SNTG2: variants seen among roughly 807,000 people sequenced by gnomAD.
SNTG2 encodes the protein gamma-2-syntrophin.
In SNTG2, 74 loss-of-function variants were observed where a neutral mutation model predicts 70.9. The ratio of observed to expected loss-of-function variants is 1.04; its 90% confidence interval spans 0.86 to 1.27. The LOEUF is 1.27. SNTG2 is among the 50% of genes most tolerant of loss of function. The probability of loss-of-function intolerance (pLI) is 0.00; values close to 1 mark genes in which losing one functional copy is unlikely to be tolerated. For missense variants in SNTG2, 717 were observed against 690.7 expected, an observed-to-expected ratio of 1.04 and a Z score of -0.43; for synonymous variants, 278 against 273.8, an observed-to-expected ratio of 1.02 and a Z score of -0.15.
At chr2:1,360,812 T>C (rs1661098653) in intron 16 of SNTG2, among the ~76,000 whole-genome samples, 1 of 152,172 alleles carries the variant, frequency 6.6e-6, no homozygotes, top group Non-Finnish European at 1.5e-5. Flanking sequence ...TCAATATTTG[T>C]AGAGATGGAG....
intron 14 of SNTG2, among the ~76,000 whole-genome samples, chr2:1,288,315 T>C (rs1679850039): frequency 6.6e-6 from 1 of 152,214 alleles, no homozygotes; most frequent in Non-Finnish European, 1.5e-5. Flanking sequence ...TCATTTCTGC[T>C]ACTTTTCATC....
chr2:1,183,875 A>G (rs1444268259), intron 8 of SNTG2, among the ~76,000 whole-genome samples: 1 of 151,542 alleles, frequency 6.6e-6, no homozygotes, highest in African/African-American at 2.4e-5. Context: ...TGTATATCCA[A>G]TTTTTTTTTC....
intron 1 of SNTG2, among the ~76,000 whole-genome samples, chr2:1,004,688 G>T (rs915184914): frequency 1.6e-4 from 25 of 152,288 alleles, no homozygotes; most frequent in African/African-American, 6.0e-4. Flanking sequence ...TGGAGCGATG[G>T]GGACTCTCCT....
rs1263450509 is a variant in SNTG2 at position 1,221,971 on chromosome 2, CTG to C, written c.719+12743_719+12744del. Among the ~76,000 whole-genome samples, 5 of 45,194 alleles carry C rather than the reference CTG, an allele frequency of 1.1e-4. 1 individual carries two copies. Among genetic ancestry groups the C allele is most frequent in the African/African-American group, 3.4e-4 (3 of 8,788 alleles). The allele number at this position is 45,194 out of a possible 152,430, so 29.6% of individuals were successfully genotyped here. A position where few individuals can be genotyped will look rare whatever the true frequency, so the allele number is the denominator to read the frequency against. On this transcript the variant is annotated intron_variant, in intron 9 of 16. Coordinates refer to ENST00000308624, the MANE Select transcript of SNTG2 (RefSeq NM_018968.4). ...TCTCTGTCTCTGTCTCTCTCTGTCT[CTG>C]TCTCTGTCTCTCTCTGTCTCTGTCT...
intron 1 of SNTG2, among the ~76,000 whole-genome samples, chr2:1,077,636 A>G (rs1306254247): frequency 6.6e-6 from 1 of 152,048 alleles, no homozygotes; most frequent in Non-Finnish European, 1.5e-5. Flanking sequence ...TCACTCAAGA[A>G]CTTCTGGCTT....
chr2:1,141,898 G>T (rs939530051), intron 6 of SNTG2, among the ~76,000 whole-genome samples: 1 of 152,156 alleles, frequency 6.6e-6, no homozygotes, highest in Admixed American at 6.5e-5. Flanking sequence ...ATTGTGACAG[G>T]GGCCATGGCA....
At chr2:1,323,844 G>A (rs1296620729) in intron 16 of SNTG2, among the ~76,000 whole-genome samples, 2 of 151,550 alleles carry the variant, frequency 1.3e-5, no homozygotes, top group Admixed American at 1.3e-4. Context: ...TCTGGGACAT[G>A]GCTAACAGTC....
chr2:1,001,392 C>T (rs911396693), intron 1 of SNTG2, among the ~76,000 whole-genome samples: 2 of 151,906 alleles, frequency 1.3e-5, no homozygotes, highest in African/African-American at 2.4e-5. Flanking sequence ...CAAAAGACTC[C>T]TATATTTGAG....
rs115752953 is a variant in SNTG2, at chr2:960,458, C to T, written c.72+9390C>T. Among the ~76,000 whole-genome samples, 947 of 152,338 alleles carry T rather than the reference C, an allele frequency of 6.2e-3. 13 individuals carry two copies. Among genetic ancestry groups the T allele is most frequent in the African/African-American group, 0.022 (905 of 41,568 alleles). Reference sequence around the variant, plus strand: ...CGGTGAGATTGGATTCCTGTTGTCTCCCAGGTGAGCCCTGGAACTCAGGGT... The same window carrying T: ...CGGTGAGATTGGATTCCTGTTGTCTTCCAGGTGAGCCCTGGAACTCAGGGT... On this transcript the variant is annotated intron_variant, in intron 1 of 16. Transcript: ENST00000308624.
At chr2:1,364,619 A>G (rs896175818) in intron 16 of SNTG2, among the ~76,000 whole-genome samples, 2 of 150,590 alleles carry the variant, frequency 1.3e-5, no homozygotes, top group Middle Eastern at 3.4e-3. Context: ...TTAGCCAGGC[A>G]TGGTGGTGGG....
chr2:1,269,144 T>C (rs915772367), intron 14 of SNTG2, among the ~76,000 whole-genome samples: 1 of 152,172 alleles, frequency 6.6e-6, no homozygotes, highest in African/African-American at 2.4e-5. Context: ...TTATTTAGGA[T>C]TCCTAAAAAA....
intron 1 of SNTG2, among the ~76,000 whole-genome samples, chr2:1,073,974 G>A (rs1045461035): frequency 5.3e-5 from 8 of 152,226 alleles, no homozygotes; most frequent in Admixed American, 3.9e-4. Context: ...TCTTTAGCTC[G>A]TATGTGGCTG....
chr2:1,351,559 G>A (rs1053603820), intron 16 of SNTG2, among the ~76,000 whole-genome samples: 2 of 152,082 alleles, frequency 1.3e-5, no homozygotes, highest in African/African-American at 2.4e-5. Flanking sequence ...AAGAAAGAGG[G>A]CACTTGACCC....
At chr2:1,335,311 G>C (rs1160663881) in intron 16 of SNTG2, among the ~76,000 whole-genome samples, 1 of 152,208 alleles carries the variant, frequency 6.6e-6, no homozygotes, top group Non-Finnish European at 1.5e-5. Context: ...AATGGGTCCT[G>C]ACATACTTCC....
At chr2:1,252,060 T>C (rs1030504498) in intron 12 of SNTG2, among the ~76,000 whole-genome samples, 41 of 152,304 alleles carry the variant, frequency 2.7e-4, no homozygotes, top group African/African-American at 9.9e-4. Context: ...TGGGTAGCCA[T>C]AGAAACTCTG....
rs368165017 is a variant in SNTG2 at position 965,924 on chromosome 2, C to G, written c.72+14856C>G. ...GGGCTGACCCTGGACCCACAGAGAC[C>G]CTTAGGGCGGGCTGGGCCCAGCTCC... On this transcript the variant is annotated intron_variant, in intron 1 of 16. Transcript: ENST00000308624. Among the ~76,000 whole-genome samples the G allele has an allele frequency of 2.0e-5, 3 of 152,274 alleles. No homozygotes were observed. The South Asian group carries it at 6.2e-4, about 32-fold the overall frequency.
chr2:961,003 A>C (rs767710251), intron 1 of SNTG2, among the ~76,000 whole-genome samples: 5 of 152,234 alleles, frequency 3.3e-5, no homozygotes, highest in Non-Finnish European at 7.4e-5. Flanking sequence ...GAATGCTGCC[A>C]GCTACTGTAG....
chr2:1,106,415 A>G, intron 4 of SNTG2, among the ~76,000 whole-genome samples: 1 of 121,462 alleles, frequency 8.2e-6, no homozygotes. Context: ...CAGGGTGTGG[A>G]GAGCTCCTTG....
intron 8 of SNTG2, among the ~76,000 whole-genome samples, chr2:1,184,663 G>C (rs1293831973): frequency 6.6e-6 from 1 of 152,134 alleles, no homozygotes; most frequent in African/African-American, 2.4e-5. Flanking sequence ...TAAACAACCA[G>C]ATCTTATGAG....
Sources: allele counts gnomAD v4.1 joint callset (sites outside exome capture counted in the v4.1 genomes callset), GRCh38; gene constraint gnomAD v4.1.1; transcripts MANE v1.5; gene names NCBI Gene and HGNC (gene_info 2026-07-23, HGNC 2026-07-21).